ZSWIM2: variants seen among roughly 807,000 people sequenced by gnomAD.
The protein encoded by ZSWIM2 is E3 ubiquitin-protein ligase ZSWIM2.
A neutral mutation model predicts 48.4 loss-of-function variants in ZSWIM2; 38 were observed. That is an observed-to-expected ratio of 0.79 (90% CI 0.61 to 1.03). The LOEUF (loss-of-function observed/expected upper bound fraction) is 1.03. Ranked by LOEUF, ZSWIM2 falls within the 50% of genes least tolerant of loss-of-function variation. ZSWIM2 has a pLI of 0.00. For synonymous variants in ZSWIM2, 240 were observed against 251.3 expected (o/e 0.96, Z 0.42); for missense variants, 776 against 730.2 (o/e 1.06, Z -0.72).
intron 2 of ZSWIM2, among the ~76,000 whole-genome samples, chr2:186,846,804 C>CATATATATAT (rs1482636097): frequency 2.5e-5 from 1 of 39,778 alleles, no homozygotes; most frequent in African/African-American, 1.3e-4. Flanking sequence ...TATACACACA[C>CATATATATAT]ACACACATAT....
chr2:186,846,071 G>A (rs535495231), intron 2 of ZSWIM2, among the ~76,000 whole-genome samples: 29 of 151,732 alleles, frequency 1.9e-4, no homozygotes, highest in African/African-American at 6.5e-4. Flanking sequence ...ACATTGGCCT[G>A]GGCAAAGAAT....
chr2:186,830,982 G>C (rs1010202330), intron 7 of ZSWIM2, among the ~76,000 whole-genome samples: 3 of 151,752 alleles, frequency 2.0e-5, no homozygotes, highest in African/African-American at 7.3e-5. Context: ...CTTTTACCAG[G>C]GTCCTCTAAT....
intron 3 of ZSWIM2, among the ~76,000 whole-genome samples, chr2:186,842,401 CACA>C (rs1433120378): frequency 1.3e-5 from 2 of 151,074 alleles, no homozygotes; most frequent in African/African-American, 4.8e-5. Context: ...AAATACAAGA[CACA>C]AAAAATCTTT....
At position 186,840,216 on chromosome 2, in the gene ZSWIM2, C is replaced by T. The variant is rs1248902245; in HGVS notation, c.284-1047G>A. On this transcript the variant is annotated intron_variant, in intron 3 of 8. Transcript: ENST00000295131. ...ATTTGTCACAAAGACACAGCAACAT[C>T]TGCTCTCTAAAAAAGGAGAGAAAAA... Among the ~76,000 whole-genome samples, 3 of 151,558 alleles carry T rather than the reference C, an allele frequency of 2.0e-5. No homozygotes were observed. The East Asian group carries it at 5.8e-4, about 29-fold the overall frequency.
chr2:186,829,326 T>C (rs6760362), intron 8 of ZSWIM2, among the ~76,000 whole-genome samples: 27,745 of 152,108 alleles, frequency 0.18, 3,861 homozygotes, highest in African/African-American at 0.4. Flanking sequence ...AGTAGTATTA[T>C]GCTGATTCTA....
At chr2:186,831,469 T>C (rs1691698396) in intron 7 of ZSWIM2, among the ~76,000 whole-genome samples, 1 of 151,948 alleles carries the variant, frequency 6.6e-6, no homozygotes, top group Admixed American at 6.6e-5. Flanking sequence ...TTATTACTTT[T>C]AGTTTCTATT....
At position 186,849,139 on chromosome 2, in the gene ZSWIM2, C is replaced by CTT. The variant is rs1559117964; in HGVS notation, c.-10_-9insAA. 6.2e-7 allele frequency: 1 copy of CTT among 1,601,072 alleles called. No individual in the cohort carries two copies. The highest frequency in any genetic ancestry group is 2.2e-5 in the East Asian group (1 of 44,512). ...TAGCCTCGGCGAAGCATGCTGGGTG[C>CTT]GGGCGGAGGCGGCCCCTCTGCTCGG... On this transcript the variant is annotated 5_prime_UTR_variant, in exon 1 of 9. Coordinates refer to ENST00000295131, the MANE Select transcript of ZSWIM2 (RefSeq NM_182521.3).
intron 3 of ZSWIM2, among the ~76,000 whole-genome samples, chr2:186,840,567 C>T (rs1691886899): frequency 6.6e-6 from 1 of 151,412 alleles, no homozygotes; most frequent in Non-Finnish European, 1.5e-5. Context: ...GAAGGATTAT[C>T]CAATAACTGT....
chr2:186,837,591 G>A, intron 4 of ZSWIM2, 37 bp from the exon 5 acceptor site: 1 of 1,528,646 alleles, frequency 6.5e-7, no homozygotes, highest in Non-Finnish European at 8.9e-7. Flanking sequence ...CATTTGTATA[G>A]AGCAGTTTTA....
At chr2:186,834,176 G>T in intron 5 of ZSWIM2, 146 bp from the exon 6 acceptor site, 1 of 606,068 alleles carries the variant, frequency 1.6e-6, no homozygotes, top group Non-Finnish European at 2.9e-6. Flanking sequence ...TTAGTTTCCT[G>T]TTGCTGCTGT....
At chr2:186,835,129 G>C (rs1445726932) in intron 5 of ZSWIM2, among the ~76,000 whole-genome samples, 1 of 152,080 alleles carries the variant, frequency 6.6e-6, no homozygotes, top group Non-Finnish European at 1.5e-5. Context: ...GCCAGAGTTA[G>C]AGTTGGCAGC....
chr2:186,827,743 G>A lies in ZSWIM2; in HGVS notation c.*241C>T, dbSNP rs989604570. ...TAAAATCAGAGTAAAATAAGATAAA[G>A]GCTCTAAAAATTATTCATTATTTAT... is the stretch of plus-strand genomic sequence containing the variant. On this transcript the variant is annotated 3_prime_UTR_variant, in exon 9 of 9. Coordinates refer to ENST00000295131, the MANE Select transcript of ZSWIM2 (RefSeq NM_182521.3). 3.9e-6 allele frequency: 1 copy of A among 258,390 alleles called. No individual in the cohort carries two copies. Among genetic ancestry groups the A allele is most frequent in the African/African-American group, 2.2e-5 (1 of 45,042 alleles). 16.0% of individuals were successfully genotyped at this position (258,390 alleles called of 1,614,324 possible). A position where few individuals can be genotyped will look rare whatever the true frequency, so the allele number is the denominator to read the frequency against.
chr2:186,838,540 C>T (rs988611338), intron 4 of ZSWIM2, among the ~76,000 whole-genome samples: 3 of 149,770 alleles, frequency 2.0e-5, no homozygotes, highest in African/African-American at 4.9e-5. Context: ...ATTACTCTAC[C>T]CTTGTTACTT....
At chr2:186,837,634 T>G in intron 4 of ZSWIM2, 80 bp from the exon 5 acceptor site, 1 of 410,010 alleles carries the variant, frequency 2.4e-6, no homozygotes, top group Non-Finnish European at 3.4e-6. Flanking sequence ...ATATATTATA[T>G]ATATATTTAT....
At chr2:186,844,629 A>C in intron 3 of ZSWIM2, 88 bp downstream of exon 3, 1 of 1,329,576 alleles carries the variant, frequency 7.5e-7, no homozygotes, top group Non-Finnish European at 1.0e-6. Flanking sequence ...TAAATTTAGA[A>C]AATGTTAAAT....
At chr2:186,830,017 T>A in intron 7 of ZSWIM2, 137 bp from the exon 8 acceptor site, 1 of 792,914 alleles carries the variant, frequency 1.3e-6, no homozygotes, top group Non-Finnish European at 2.0e-6. Flanking sequence ...ATAATAAATC[T>A]CATATATTAT....
At chr2:186,837,612 G>GTATATATATATATATAA (rs1691817729) in intron 4 of ZSWIM2, 58 bp from the exon 5 acceptor site, 1 of 481,884 alleles carries the variant, frequency 2.1e-6, no homozygotes, top group African/African-American at 2.1e-5. Flanking sequence ...CATATCCATT[G>GTATATATATATATATAA]TATATATATA....
chr2:186,837,625 TA>T, intron 4 of ZSWIM2, 71 bp from the exon 5 acceptor site: 2 of 409,198 alleles, frequency 4.9e-6, no homozygotes, highest in Non-Finnish European at 3.5e-6. Context: ...TATATATATA[TA>T]TATTATATAT....
intron 6 of ZSWIM2, among the ~76,000 whole-genome samples, chr2:186,833,733 T>C (rs926781876): frequency 2.6e-5 from 4 of 152,194 alleles, no homozygotes; most frequent in African/African-American, 2.4e-5. Flanking sequence ...ATGTTTCTTA[T>C]AGTATTAGAT....
Sources: allele counts gnomAD v4.1 joint callset (sites outside exome capture counted in the v4.1 genomes callset), GRCh38; gene constraint gnomAD v4.1.1; transcripts MANE v1.5; gene names NCBI Gene and HGNC (gene_info 2026-07-23, HGNC 2026-07-21).